USO1: variants seen among roughly 807,000 people sequenced by gnomAD.
USO1 encodes USO1 vesicle transport factor.
USO1 carries 57 observed loss-of-function variants against 124.5 expected under a neutral mutation model. The ratio of observed to expected loss-of-function variants is 0.46; its 90% CI spans 0.37 to 0.57. The LOEUF is 0.57. Among genes scored for constraint, USO1 ranks in the 20% least tolerant of loss-of-function variants. The pLI, the probability that USO1 is intolerant of heterozygous loss-of-function variation, is 0.00. For missense variants in USO1, 900 were observed against 1,040.6 expected (o/e 0.86, Z 1.86); for synonymous variants, 369 against 362.8 (o/e 1.02, Z -0.19).
At chr4:75,734,468 G>A (rs1056937788) in intron 1 of USO1, among the ~76,000 whole-genome samples, 22 of 152,084 alleles carry the variant, frequency 1.4e-4, no homozygotes, top group South Asian at 6.2e-4. Flanking sequence ...TTAGTTTTGG[G>A]TTCTCTATCC....
chr4:75,724,949 C>G, intron 1 of USO1, 64 bp downstream of exon 1: 1 of 1,577,652 alleles, frequency 6.3e-7, no homozygotes, highest in Non-Finnish European at 8.7e-7. Context: ...ACGGAGCACT[C>G]GGAGACCCGA....
intron 1 of USO1, among the ~76,000 whole-genome samples, chr4:75,736,307 CTTTTTTTT>C (rs775201813): frequency 7.9e-5 from 5 of 63,282 alleles, no homozygotes; most frequent in South Asian, 5.3e-4. Flanking sequence ...TACAGCTTAC[CTTTTTTTT>C]TTTTTTTTTT....
At chr4:75,764,384 G>T (rs970330086) in intron 4 of USO1, among the ~76,000 whole-genome samples, 1 of 152,098 alleles carries the variant, frequency 6.6e-6, no homozygotes, top group African/African-American at 2.4e-5. Flanking sequence ...ATTTACACTG[G>T]TGTAGTAAGT....
intron 10 of USO1, among the ~76,000 whole-genome samples, chr4:75,787,570 T>C (rs1722398560): frequency 6.6e-6 from 1 of 152,194 alleles, no homozygotes; most frequent in African/African-American, 2.4e-5. Context: ...TCTTTTCCCC[T>C]AATGTGTGGC....
intron 19 of USO1, among the ~76,000 whole-genome samples, chr4:75,805,615 G>A (rs538639043): frequency 2.6e-4 from 39 of 151,912 alleles, no homozygotes; most frequent in African/African-American, 9.2e-4. Context: ...GCTGAGGCAG[G>A]AGAATCTCTT....
intron 1 of USO1, among the ~76,000 whole-genome samples, chr4:75,731,204 T>C (rs544152652): frequency 6.6e-6 from 1 of 152,338 alleles, no homozygotes; most frequent in Non-Finnish European, 1.5e-5. Flanking sequence ...ATTTAGGTCA[T>C]ATGAAGATAA....
At chr4:75,812,969 G>A (rs1385062649) in intron 23 of USO1, among the ~76,000 whole-genome samples, 1 of 151,916 alleles carries the variant, frequency 6.6e-6, no homozygotes, top group Non-Finnish European at 1.5e-5. Context: ...AAATTAGCAG[G>A]GCGCTTGGTG....
At position 75,733,615 on chromosome 4, in the gene USO1, A is replaced by G. The variant is rs149849169; in HGVS notation, c.66+8730A>G. Among the ~76,000 whole-genome samples, 133 of 152,280 alleles carry G rather than the reference A, an allele frequency of 8.7e-4. 1 individual carries two copies. Among genetic ancestry groups the G allele is most frequent in the African/African-American group, 3.0e-3 (126 of 41,564 alleles). ...TTCCATATATTTCTTGCCTATGTAT[A>G]TGTATTGTTTGGAGAAGTGTCTGTT... On this transcript the variant is annotated intron_variant, in intron 1 of 23. Transcript: ENST00000514213.
chr4:75,771,601 G>A (rs190786452), intron 7 of USO1, among the ~76,000 whole-genome samples: 21 of 152,314 alleles, frequency 1.4e-4, no homozygotes, highest in South Asian at 2.1e-4. Context: ...AAAGAGTAGC[G>A]GAGATACCTC....
chr4:75,725,567 G>A (rs1471190482), intron 1 of USO1, among the ~76,000 whole-genome samples: 1 of 150,632 alleles, frequency 6.6e-6, no homozygotes, highest in Non-Finnish European at 1.5e-5. Context: ...TTGGGGACAC[G>A]TCCACCGCTT....
intron 9 of USO1, among the ~76,000 whole-genome samples, chr4:75,783,647 GCTA>G (rs1244206018): frequency 1.3e-5 from 2 of 152,098 alleles, no homozygotes; most frequent in African/African-American, 4.8e-5. Context: ...GGTTAGGTCC[GCTA>G]GTAATTAGAG....
intron 16 of USO1, 120 bp from the exon 17 acceptor site, chr4:75,800,959 G>A: frequency 2.2e-6 from 3 of 1,387,006 alleles, no homozygotes; most frequent in Admixed American, 2.8e-5. Flanking sequence ...GCTTTCAGTA[G>A]GATTGAAAAG....
intron 13 of USO1, 146 bp downstream of exon 13, chr4:75,794,047 G>A: frequency 1.5e-6 from 2 of 1,308,100 alleles, no homozygotes; most frequent in Non-Finnish European, 2.0e-6. Flanking sequence ...ACAGTTTTGT[G>A]GAGAAAAAGC....
At chr4:75,757,627 G>T in intron 4 of USO1, 54 bp downstream of exon 4, 1 of 1,326,644 alleles carries the variant, frequency 7.5e-7, no homozygotes, top group Non-Finnish European at 9.7e-7. Flanking sequence ...CAACTGGGTT[G>T]TGCTAATTTT....
chr4:75,732,658 C>A (rs1344696320), intron 1 of USO1, among the ~76,000 whole-genome samples: 1 of 149,388 alleles, frequency 6.7e-6, no homozygotes, highest in African/African-American at 2.5e-5. Flanking sequence ...GCGGGCAGAT[C>A]ACGAGGTGAG....
chr4:75,797,355 C>T (rs1390836063), intron 13 of USO1, among the ~76,000 whole-genome samples: 5 of 151,832 alleles, frequency 3.3e-5, no homozygotes, highest in African/African-American at 1.2e-4. Flanking sequence ...CTATTTGTAA[C>T]TCACTGATAG....
chr4:75,725,366 G>C (rs1213313612), intron 1 of USO1, among the ~76,000 whole-genome samples: 1 of 152,204 alleles, frequency 6.6e-6, no homozygotes, highest in Non-Finnish European at 1.5e-5. Flanking sequence ...CTGTTGGTGA[G>C]AGCATTTGGC....
rs1475173599 is a variant in USO1, at chr4:75,805,260, T to C, written c.2246T>C (p.Leu749Ser). ...IEELKRNQEL[L>S]QSQLTEKDSM... ...GAATTAAAACGTAATCAGGAACTTT[T>C]ACAAAGCCAGCTGACTGAAAAGGAC... Residue 749 changes from leucine (L) to serine (S), a missense_variant, in exon 19 of 24, where the codon TTA (leucine) becomes TCA (serine). By Grantham distance (145) the Leu-to-Ser change is moderately radical (BLOSUM62 -2). Around this residue, in one of 2 missense-constraint regions of USO1, gnomAD observed 362 missense variants for 359.0 expected, o/e 1.01. Transcript: ENST00000514213. 6 of 1,611,522 alleles carry C rather than the reference T, an allele frequency of 3.7e-6. No homozygotes were observed. The highest frequency in any genetic ancestry group is 5.1e-6 in the Non-Finnish European group (6 of 1,178,882).
At chr4:75,767,572 A>G (rs1426909929) in intron 4 of USO1, 1 of 319,018 alleles carries the variant, frequency 3.1e-6, no homozygotes, top group East Asian at 1.2e-4. Flanking sequence ...GTGAAACCCC[A>G]TCTATACTAA....
Sources: gnomAD v4.1 joint callset for allele counts (sites outside exome capture counted in the v4.1 genomes callset) on GRCh38, gnomAD v4.1.1 for gene constraint, gnomAD v4.1.1 regional missense constraint, MANE v1.5 for transcripts, NCBI Gene and HGNC (gene_info 2026-07-23, HGNC 2026-07-21) for gene names.